ADGRV1: variants seen among roughly 807,000 people sequenced by gnomAD.
The protein encoded by ADGRV1 is G-protein coupled receptor 98.
A neutral mutation model predicts 596.2 loss-of-function variants in ADGRV1; 359 were observed. That is an observed-to-expected ratio of 0.60 (90% CI 0.55 to 0.66). ADGRV1 has a LOEUF of 0.66. Ranked by LOEUF, ADGRV1 falls within the 30% of genes least tolerant of loss-of-function variation. The probability of loss-of-function intolerance (pLI) is 0.00; values close to 1 mark genes in which losing one functional copy is unlikely to be tolerated. For missense variants in ADGRV1, 7,274 were observed against 7,575.6 expected (o/e 0.96, Z 1.48); for synonymous variants, 2,681 against 2,679.2 (o/e 1.00, Z -0.02).
At chr5:91,096,894 C>T (rs1790920465) in intron 86 of ADGRV1, among the ~76,000 whole-genome samples, 1 of 152,128 alleles carries the variant, frequency 6.6e-6, no homozygotes, top group Non-Finnish European at 1.5e-5. Context: ...TCCTCCCAGC[C>T]CCTGGTAACT....
At chr5:90,606,968 A>G (rs899724744) in intron 1 of ADGRV1, among the ~76,000 whole-genome samples, 3 of 152,208 alleles carry the variant, frequency 2.0e-5, no homozygotes, top group Non-Finnish European at 2.9e-5. Flanking sequence ...GGTCTTTTAT[A>G]TTAGGAATTA....
chr5:90,952,152 G>A (rs1194017942), intron 83 of ADGRV1, among the ~76,000 whole-genome samples: 1 of 152,004 alleles, frequency 6.6e-6, no homozygotes, highest in African/African-American at 2.4e-5. Flanking sequence ...TCTCTTTTTA[G>A]TACTGGTTGT....
At chr5:90,821,001 T>C (rs1581228520) in intron 75 of ADGRV1, among the ~76,000 whole-genome samples, 1 of 151,876 alleles carries the variant, frequency 6.6e-6, no homozygotes, top group South Asian at 2.1e-4. Flanking sequence ...GATAATATCC[T>C]GCAGAGTGTT....
chr5:90,734,141 A>G (rs1227169704), intron 50 of ADGRV1, among the ~76,000 whole-genome samples: 1 of 152,164 alleles, frequency 6.6e-6, no homozygotes, highest in East Asian at 1.9e-4. Context: ...GCGTATATAT[A>G]CCACATTTTC....
At chr5:90,605,930 TGAAAA>T (rs1281990283) in intron 1 of ADGRV1, among the ~76,000 whole-genome samples, 1 of 149,774 alleles carries the variant, frequency 6.7e-6, no homozygotes, top group Non-Finnish European at 1.5e-5. Context: ...AAAAGGATGA[TGAAAA>T]AAAAAGAAAA....
intron 27 of ADGRV1, among the ~76,000 whole-genome samples, chr5:90,681,819 T>A (rs1245574519): frequency 1.2e-5 from 1 of 82,946 alleles, no homozygotes; most frequent in Non-Finnish European, 2.2e-5. Context: ...CCTCCCTCCC[T>A]CCCTCACTCC....
At chr5:90,565,270 T>C (rs1755498251) in intron 1 of ADGRV1, among the ~76,000 whole-genome samples, 1 of 152,156 alleles carries the variant, frequency 6.6e-6, no homozygotes, top group African/African-American at 2.4e-5. Context: ...CACCACTGTC[T>C]ATTCCAGAAC....
intron 67 of ADGRV1, among the ~76,000 whole-genome samples, chr5:90,787,479 T>C (rs995714612): frequency 1.2e-4 from 19 of 152,064 alleles, no homozygotes; most frequent in Admixed American, 3.3e-4. Flanking sequence ...CTCTAATACG[T>C]ATTTTAATAT....
chr5:90,979,921 A>G (rs538592421), intron 84 of ADGRV1, among the ~76,000 whole-genome samples: 4 of 152,346 alleles, frequency 2.6e-5, no homozygotes, highest in South Asian at 4.1e-4. Flanking sequence ...TAAAAAATAT[A>G]TAACATCTAT....
intron 83 of ADGRV1, among the ~76,000 whole-genome samples, chr5:90,960,846 A>G (rs1202132348): frequency 6.6e-6 from 1 of 152,168 alleles, no homozygotes; most frequent in Non-Finnish European, 1.5e-5. Flanking sequence ...ATGCATTTGG[A>G]TAGAATGGTG....
Position 90,647,486 on chromosome 5 carries a change from T to C in ADGRV1, c.3023-12T>C, listed in dbSNP as rs778706047. 1 of 1,594,524 alleles carries C rather than the reference T, an allele frequency of 6.3e-7. No individual in the cohort carries two copies. Among genetic ancestry groups the C allele is most frequent in the Non-Finnish European group, 8.5e-7 (1 of 1,170,802 alleles). On this transcript the variant is annotated splice_polypyrimidine_tract_variant and intron_variant, in intron 16 of 89. Coordinates refer to ENST00000405460, the MANE Select transcript of ADGRV1 (RefSeq NM_032119.4). ...GAAAAGCTCATGTGTTCTTTCTTTGTGGATATTTCAGAACCTCGTGTAGTG... is the reference window on the plus strand; with the variant it reads ...GAAAAGCTCATGTGTTCTTTCTTTGCGGATATTTCAGAACCTCGTGTAGTG...
At chr5:90,984,747 A>G (rs145196502) in intron 84 of ADGRV1, among the ~76,000 whole-genome samples, 1 of 152,292 alleles carries the variant, frequency 6.6e-6, no homozygotes, top group Non-Finnish European at 1.5e-5. Flanking sequence ...CAAAAGGGAG[A>G]GAGTATAAAT....
chr5:90,950,363 C>T (rs1776956710), intron 83 of ADGRV1, among the ~76,000 whole-genome samples: 1 of 152,112 alleles, frequency 6.6e-6, no homozygotes, highest in African/African-American at 2.4e-5. Flanking sequence ...GCTCTGTCAT[C>T]CATGCTGGAG....
rs1356968943 is a variant in ADGRV1, at chr5:90,728,909, A to G, written c.10402A>G (p.Ile3468Val). The G allele has an allele frequency of 2.5e-6, 4 of 1,611,684 alleles. No individual in the cohort carries two copies. The highest frequency in any genetic ancestry group is 3.4e-6 in the Non-Finnish European group (4 of 1,178,944). The part of the protein sequence containing the change: ...ALSSANDIYL[I>V]FAENVFLGDQ... Reference sequence around the variant, plus strand: ...GTCTTCAGCCAATGATATTTACCTAATATTTGCCGAAAATGTCTTTCTAGG... The same window carrying G: ...GTCTTCAGCCAATGATATTTACCTAGTATTTGCCGAAAATGTCTTTCTAGG... The change falls in exon 49 of 90, where the codon ATA becomes GTA. Residue 3468 changes from isoleucine (I) to valine (V), a missense_variant. Physicochemically the swap from Ile to Val is conservative, Grantham distance 29. This residue lies in a region of ADGRV1 where 3,643 missense variants were observed against 3,809.2 expected (regional missense o/e 0.96). Transcript: ENST00000405460.
rs534875354 is a variant in ADGRV1, at chr5:91,019,093, A to G, written c.18152+33571A>G. ...AATAGGAGTCCTGTTGGCTGCATGG[A>G]TTCAATATCCACGCCTGAACTTATC... On this transcript the variant is annotated intron_variant, in intron 85 of 89. Coordinates refer to ENST00000405460, the MANE Select transcript of ADGRV1 (RefSeq NM_032119.4). Among the ~76,000 whole-genome samples, 5 of 152,060 alleles carry G rather than the reference A, an allele frequency of 3.3e-5. No homozygotes were observed. The East Asian group carries it at 9.7e-4, about 29-fold the overall frequency.
intron 74 of ADGRV1, among the ~76,000 whole-genome samples, chr5:90,811,926 G>A (rs1410910660): frequency 7.0e-6 from 1 of 142,130 alleles, no homozygotes; most frequent in Non-Finnish European, 1.5e-5. Context: ...AAATCATACT[G>A]TATTTTTTTT....
In ADGRV1 at chr5:90,828,989, A is replaced by C. The variant is rs562371197; in HGVS notation, c.16414A>C (p.Thr5472Pro). The change falls in exon 77 of 90, where the codon ACT (threonine) becomes CCT (proline). Residue 5472 changes from threonine (T) to proline (P), a missense_variant. By Grantham distance (38) the Thr-to-Pro change is conservative. Coordinates refer to ENST00000405460, the MANE Select transcript of ADGRV1 (RefSeq NM_032119.4). The stretch of plus-strand genomic sequence containing the variant: ...TTTTTTTGTGGAACTATATGAAGCT[A>C]CTGCTGGAGCAGCAATAAACAACAG... ...VYFFVELYEA[T>P]AGAAINNSAR... 2 of 1,606,336 alleles carry C rather than the reference A, an allele frequency of 1.2e-6. No individual in the cohort carries two copies. Among genetic ancestry groups the C allele is most frequent in the South Asian group, 2.2e-5 (2 of 89,488 alleles).
chr5:90,817,456 G>A (rs1443838702), intron 75 of ADGRV1, among the ~76,000 whole-genome samples: 1 of 151,272 alleles, frequency 6.6e-6, no homozygotes, highest in Non-Finnish European at 1.5e-5. Flanking sequence ...TGTTGCCATT[G>A]CTTTTGGTGT....
chr5:91,052,681 G>T (rs776533690), intron 85 of ADGRV1, among the ~76,000 whole-genome samples: 1 of 151,996 alleles, frequency 6.6e-6, no homozygotes, highest in South Asian at 2.1e-4. Context: ...TGATCCACCC[G>T]CCTTGGCCTC....
Sources: allele counts gnomAD v4.1 joint callset (sites outside exome capture counted in the v4.1 genomes callset), GRCh38; gene constraint gnomAD v4.1.1; regional missense constraint gnomAD v4.1.1; transcripts MANE v1.5; gene names NCBI Gene and HGNC (gene_info 2026-07-23, HGNC 2026-07-21).